The following PON1 variants were observed in gnomAD, a reference collection of about 807,000 sequenced individuals.
PON1 encodes the protein paraoxonase 1.
In PON1, 37 loss-of-function variants were observed where a neutral mutation model predicts 39.2. That is an observed-to-expected ratio of 0.94 (90% CI 0.73 to 1.24). The LOEUF is 1.24. Ranked by LOEUF, PON1 falls within the 50% of genes most tolerant of loss-of-function variation. PON1 has a pLI of 0.00. For synonymous variants in PON1, 148 were observed against 152.2 expected, an observed-to-expected ratio of 0.97 and a Z score of 0.21; for missense variants, 397 against 413.5, an observed-to-expected ratio of 0.96 and a Z score of 0.35.
intron 3 of PON1, among the ~76,000 whole-genome samples, chr7:95,316,233 T>C (rs1225475982): frequency 6.6e-6 from 1 of 152,232 alleles, no homozygotes; most frequent in Non-Finnish European, 1.5e-5. Context: ...GCGATCTATA[T>C]GCAGGACAGT....
At chr7:95,313,817 C>T (rs997742591) in intron 4 of PON1, among the ~76,000 whole-genome samples, 1 of 152,020 alleles carries the variant, frequency 6.6e-6, no homozygotes, top group African/African-American at 2.4e-5. Context: ...ATAATAATAC[C>T]CCTATTTGGG....
intron 5 of PON1, among the ~76,000 whole-genome samples, chr7:95,309,898 T>C (rs1467021981): frequency 6.6e-6 from 1 of 152,224 alleles, no homozygotes; most frequent in East Asian, 1.9e-4. Context: ...CAGCTAATCC[T>C]TGGATTGAGA....
Position 95,301,815 on chromosome 7 carries a change from C to T in PON1, c.909+390G>A, listed in dbSNP as rs916574683. On this transcript the variant is annotated intron_variant, in intron 8 of 8. Transcript: ENST00000222381. ...CATAGAATTGAGAATTGGCCGGGCA[C>T]GGTGGCTCACGCCTGTAATCCCGGC... Among the ~76,000 whole-genome samples the T allele has an allele frequency of 1.6e-4, 25 of 151,586 alleles. No homozygotes were observed. In the East Asian group the frequency reaches 2.9e-3, roughly 18 times the overall value.
intron 4 of PON1, among the ~76,000 whole-genome samples, chr7:95,314,958 G>A (rs1807734161): frequency 6.6e-6 from 1 of 152,198 alleles, no homozygotes; most frequent in Non-Finnish European, 1.5e-5. Flanking sequence ...ATAGCTTACA[G>A]ATGCCTTGGG....
intron 7 of PON1, among the ~76,000 whole-genome samples, chr7:95,304,327 C>CATTT (rs1295681792): frequency 3.2e-4 from 35 of 109,512 alleles, no homozygotes; most frequent in African/African-American, 1.3e-3. Flanking sequence ...AACTTCATTC[C>CATTT]TTTTTTTTTT....
At chr7:95,305,604 A>C (rs1169841332) in intron 7 of PON1, among the ~76,000 whole-genome samples, 1 of 152,178 alleles carries the variant, frequency 6.6e-6, no homozygotes, top group African/African-American at 2.4e-5. Flanking sequence ...AGGCGAGGGA[A>C]AATACGTAGC....
intron 8 of PON1, among the ~76,000 whole-genome samples, chr7:95,299,802 C>A (rs1453435720): frequency 6.6e-6 from 1 of 152,090 alleles, no homozygotes; most frequent in African/African-American, 2.4e-5. Flanking sequence ...ACTTAATAAA[C>A]CCCCTTTACA....
At chr7:95,318,242 T>C in intron 2 of PON1, 81 bp downstream of exon 2, 1 of 1,155,940 alleles carries the variant, frequency 8.7e-7, no homozygotes, top group Non-Finnish European at 1.3e-6. Flanking sequence ...TTGGACAGAA[T>C]TGAACAGGCA....
chr7:95,298,903 T>C lies in PON1; in HGVS notation c.*41A>G, dbSNP rs751029190. On this transcript the variant is annotated 3_prime_UTR_variant, in exon 9 of 9. Transcript: ENST00000222381. Reference sequence around the variant, plus strand: ...CTCGGAATATGGCAAGCGGTTGAAATAATGGCCTCAGTTTCTATGGCATGG... The same window carrying C: ...CTCGGAATATGGCAAGCGGTTGAAACAATGGCCTCAGTTTCTATGGCATGG... The C allele has an allele frequency of 1.2e-6, 2 of 1,612,834 alleles. No individual in the cohort carries two copies. Among genetic ancestry groups the C allele is most frequent in the Non-Finnish European group, 1.7e-6 (2 of 1,178,820 alleles).
At chr7:95,306,444 T>C (rs1290052055) in intron 6 of PON1, 78 bp from the exon 7 acceptor site, 10 of 1,022,984 alleles carry the variant, frequency 9.8e-6, no homozygotes, top group Non-Finnish European at 1.4e-5. Context: ...GTAATACCTA[T>C]TCATAGGGAA....
At chr7:95,312,587 A>G (rs1245714059) in intron 4 of PON1, among the ~76,000 whole-genome samples, 1 of 152,264 alleles carries the variant, frequency 6.6e-6, no homozygotes, top group Non-Finnish European at 1.5e-5. Flanking sequence ...GGAGTCAGGC[A>G]TGTTCTCTCT....
intron 1 of PON1, among the ~76,000 whole-genome samples, chr7:95,323,724 T>C (rs1807950033): frequency 6.6e-6 from 1 of 152,222 alleles, no homozygotes; most frequent in African/African-American, 2.4e-5. Context: ...ATAGCTACTC[T>C]GTCGCAGGCA....
chr7:95,298,895 G>A lies in PON1; in HGVS notation c.*49C>T, dbSNP rs372661872. 127 of 1,608,520 alleles carry A rather than the reference G, an allele frequency of 7.9e-5. No individual in the cohort carries two copies. Among genetic ancestry groups the A allele is most frequent in the African/African-American group, 2.9e-4 (22 of 74,906 alleles). The stretch of plus-strand genomic sequence containing the variant: ...ACTGGGTCCTCGGAATATGGCAAGC[G>A]GTTGAAATAATGGCCTCAGTTTCTA... On this transcript the variant is annotated 3_prime_UTR_variant, in exon 9 of 9. Coordinates refer to ENST00000222381, the MANE Select transcript of PON1 (RefSeq NM_000446.7).
At chr7:95,304,421 C>T (rs1255936199) in intron 7 of PON1, among the ~76,000 whole-genome samples, 1 of 151,204 alleles carries the variant, frequency 6.6e-6, no homozygotes, top group African/African-American at 2.4e-5. Context: ...CAACCTCCGC[C>T]TCCCAGGTTC....
rs1343252260 is a variant in PON1 at position 95,316,747 on chromosome 7, G to A, written c.188C>T (p.Ala63Val). The A allele has an allele frequency of 6.2e-7, 1 of 1,613,334 alleles. No individual in the cohort carries two copies. Among genetic ancestry groups the A allele is most frequent in the Admixed American group, 1.7e-5 (1 of 60,008 alleles). The change falls in exon 3 of 9, where the codon GCT becomes GTT. Residue 63 changes from alanine (A) to valine (V), a missense_variant. Physicochemically the swap from Ala to Val is moderately conservative, Grantham distance 64. Transcript: ENST00000222381. ...GAAAACACTCACAGAGCTAATGAAA[G>A]CCAGTCCATTAGGCAGTATCTCCAA... Reference protein sequence around the residue: ...EDLEILPNGLAFISSGLKYPG... With the variant: ...EDLEILPNGLVFISSGLKYPG...
chr7:95,308,339 A>G (rs1281664938), intron 5 of PON1, 128 bp from the exon 6 acceptor site: 2 of 809,254 alleles, frequency 2.5e-6, no homozygotes, highest in African/African-American at 1.7e-5. Flanking sequence ...TGCTAGCTAT[A>G]ATGGAACACA....
intron 7 of PON1, among the ~76,000 whole-genome samples, chr7:95,305,458 T>C (rs1186465656): frequency 6.6e-6 from 1 of 152,176 alleles, no homozygotes; most frequent in Non-Finnish European, 1.5e-5. Context: ...TCAATGTGAA[T>C]TGTACCAGAA....
At position 95,308,215 on chromosome 7, in the gene PON1, C is replaced by T; in HGVS notation, c.498-4G>A. 2 of 1,611,528 alleles carry T rather than the reference C, an allele frequency of 1.2e-6. No individual in the cohort carries two copies. Among genetic ancestry groups the T allele is most frequent in the Non-Finnish European group, 1.7e-6 (2 of 1,177,892 alleles). ...CACAGCAACAATATCATTCAAACTG[C>T]AATTAAAACATACACACATAATATA... On this transcript the variant is annotated splice_polypyrimidine_tract_variant and splice_region_variant and intron_variant, in intron 5 of 8. Coordinates refer to ENST00000222381, the MANE Select transcript of PON1 (RefSeq NM_000446.7).
rs1458575746 is a variant in PON1, at chr7:95,318,366, T to A, written c.102A>T (p.Val34=). ...TACAGTTAGGAAGTTCTACGGGTTG[T>A]ACCTCTCGGAGAGCATTAAGTCGTG... The part of the protein sequence containing the change: ...YQTRLNALRE[V]QPVELPNCNL... Residue 34 remains valine, a synonymous_variant, in exon 2 of 9, where the codon GTA becomes GTT. Transcript: ENST00000222381. 1 of 1,609,978 alleles carries A rather than the reference T, an allele frequency of 6.2e-7. No homozygotes were observed. The highest frequency in any genetic ancestry group is 8.5e-7 in the Non-Finnish European group (1 of 1,176,258).
Sources: allele counts gnomAD v4.1 joint callset (sites outside exome capture counted in the v4.1 genomes callset), GRCh38; gene constraint gnomAD v4.1.1; transcripts MANE v1.5; gene names NCBI Gene and HGNC (gene_info 2026-07-23, HGNC 2026-07-21).